Variants in PDE11A observed in about 807,000 individuals in gnomAD.
PDE11A encodes phosphodiesterase 11A, also known as dual 3',5'-cyclic-AMP and -GMP phosphodiesterase 11A.
In PDE11A, 100 loss-of-function variants were observed where a neutral mutation model predicts 100.5. The ratio of observed to expected loss-of-function variants is 1.00; its 90% CI spans 0.85 to 1.18. The LOEUF is 1.18. Among genes scored for constraint, PDE11A ranks in the 50% most tolerant of loss-of-function variants. The pLI is 0.00. For missense variants in PDE11A, 1,141 were observed against 1,152.6 expected (o/e 0.99, Z 0.15); for synonymous variants, 381 against 420.8 (o/e 0.91, Z 1.16).
chr2:177,964,722 T>G (rs2085677046), intron 2 of PDE11A, among the ~76,000 whole-genome samples: 2 of 152,242 alleles, frequency 1.3e-5, no homozygotes, highest in Non-Finnish European at 2.9e-5. Flanking sequence ...CACAATCTCA[T>G]GTTTTTTAAG....
intron 19 of PDE11A, among the ~76,000 whole-genome samples, chr2:177,651,502 C>G (rs759170213): frequency 2.6e-5 from 4 of 152,140 alleles, no homozygotes; most frequent in Non-Finnish European, 4.4e-5. Flanking sequence ...CAGTGGTGAT[C>G]ACCATAAAAA....
chr2:177,682,525 A>C (rs2105508582), intron 15 of PDE11A, among the ~76,000 whole-genome samples: 1 of 152,380 alleles, frequency 6.6e-6, no homozygotes, highest in Admixed American at 6.5e-5. Flanking sequence ...AAAGACAAGC[A>C]AGGAATATTT....
intron 1 of PDE11A, among the ~76,000 whole-genome samples, chr2:178,047,976 C>T (rs949484944): frequency 3.3e-5 from 5 of 152,186 alleles, no homozygotes; most frequent in African/African-American, 1.2e-4. Flanking sequence ...ACTAAGATAA[C>T]AAGGCCCTCG....
At chr2:178,010,884 A>T (rs538062266) in intron 2 of PDE11A, among the ~76,000 whole-genome samples, 1 of 152,330 alleles carries the variant, frequency 6.6e-6, no homozygotes, top group African/African-American at 2.4e-5. Flanking sequence ...AGATTCATGA[A>T]CTTATAAAGA....
intron 14 of PDE11A, among the ~76,000 whole-genome samples, chr2:177,700,427 G>A (rs2081180545): frequency 1.4e-5 from 2 of 147,438 alleles, no homozygotes; most frequent in Admixed American, 1.3e-4. Flanking sequence ...AAGTCTGTAC[G>A]CTTGCAGAAA....
chr2:177,758,587 C>T (rs7579625), intron 10 of PDE11A, among the ~76,000 whole-genome samples: 5,532 of 152,272 alleles, frequency 0.036, 378 homozygotes, highest in African/African-American at 0.13. Flanking sequence ...GAATAGAGTG[C>T]AGGCACACAG....
At chr2:177,666,324 G>A (rs546857701) in intron 18 of PDE11A, among the ~76,000 whole-genome samples, 9 of 152,322 alleles carry the variant, frequency 5.9e-5, no homozygotes, top group Middle Eastern at 3.4e-3. Context: ...TGACATTTGA[G>A]TTGCTTCCAG....
chr2:178,040,987 T>C (rs534176232), intron 1 of PDE11A, among the ~76,000 whole-genome samples: 1 of 152,280 alleles, frequency 6.6e-6, no homozygotes, highest in Admixed American at 6.5e-5. Context: ...TTGCCCATGC[T>C]AGAGTGCAGT....
intron 2 of PDE11A, among the ~76,000 whole-genome samples, chr2:177,910,224 G>A (rs1213827611): frequency 1.3e-5 from 2 of 152,158 alleles, no homozygotes; most frequent in Non-Finnish European, 2.9e-5. Context: ...AGACTCAATT[G>A]CACAATGTAT....
At chr2:177,658,121 C>T (rs1204602622) in intron 19 of PDE11A, among the ~76,000 whole-genome samples, 1 of 152,170 alleles carries the variant, frequency 6.6e-6, no homozygotes, top group East Asian at 1.9e-4. Context: ...TTGCGACCAG[C>T]CACCTCTCAG....
intron 17 of PDE11A, among the ~76,000 whole-genome samples, chr2:177,674,769 G>A (rs1559137506): frequency 6.6e-6 from 1 of 152,142 alleles, no homozygotes; most frequent in South Asian, 2.1e-4. Flanking sequence ...ATATGGAAAT[G>A]CATCTTATTT....
At chr2:177,998,151 T>G (rs1214295602) in intron 2 of PDE11A, 2 of 1,018,068 alleles carry the variant, frequency 2.0e-6, no homozygotes, top group Non-Finnish European at 3.1e-6. Context: ...GTCTTCCACT[T>G]ACTGTCTGTA....
At chr2:177,714,186 G>A (rs2081401792) in intron 12 of PDE11A, among the ~76,000 whole-genome samples, 1 of 151,376 alleles carries the variant, frequency 6.6e-6, no homozygotes. Flanking sequence ...GTAGAGATGG[G>A]GTTTCACTGT....
At chr2:177,947,047 G>A (rs1478496929) in intron 2 of PDE11A, among the ~76,000 whole-genome samples, 24 of 100,312 alleles carry the variant, frequency 2.4e-4, no homozygotes, top group Admixed American at 5.5e-4. Flanking sequence ...CAGCCGCCCC[G>A]TCCGGGAGGT....
At chr2:177,706,516 A>G (rs547998199) in intron 13 of PDE11A, among the ~76,000 whole-genome samples, 1 of 152,320 alleles carries the variant, frequency 6.6e-6, no homozygotes, top group Admixed American at 6.5e-5. Flanking sequence ...TGGCACACTC[A>G]CTGAATAAAT....
At chr2:178,107,721 C>CTTTTTTTTTTT (rs1159976078) in intron 1 of PDE11A, among the ~76,000 whole-genome samples, 6 of 123,054 alleles carry the variant, frequency 4.9e-5, no homozygotes, top group Non-Finnish European at 6.9e-5. Flanking sequence ...CTTTTTTTTT[C>CTTTTTTTTTTT]TTTTTTTTTT....
At chr2:177,954,689 A>C (rs1004594665) in intron 2 of PDE11A, among the ~76,000 whole-genome samples, 6 of 152,210 alleles carry the variant, frequency 3.9e-5, no homozygotes, top group Non-Finnish European at 8.8e-5. Context: ...GGAATTTATC[A>C]AAAACATTGC....
chr2:177,956,244 G>A (rs1448587761), intron 2 of PDE11A, among the ~76,000 whole-genome samples: 1 of 152,114 alleles, frequency 6.6e-6, no homozygotes, highest in Non-Finnish European at 1.5e-5. Flanking sequence ...CAAAAAGTGG[G>A]CGAAGGATAT....
chr2:177,688,084 A>C (rs950549759), intron 15 of PDE11A: 1 of 152,272 alleles, frequency 6.6e-6, no homozygotes, highest in African/African-American at 2.4e-5. Context: ...TGTGTAGCAT[A>C]AACCTTTGGG....
Sources: gnomAD v4.1 joint callset for allele counts (sites outside exome capture counted in the v4.1 genomes callset) on GRCh38, gnomAD v4.1.1 for gene constraint, MANE v1.5 for transcripts, NCBI Gene and HGNC (gene_info 2026-07-23, HGNC 2026-07-21) for gene names.